Variants in GCN1 observed in about 807,000 individuals in gnomAD.
GCN1 encodes the protein stalled ribosome sensor GCN1.
In GCN1, 90 loss-of-function variants were observed where a neutral mutation model predicts 288.4. The observed-to-expected ratio is 0.31, with a 90% CI of 0.26 to 0.37. The LOEUF (loss-of-function observed/expected upper bound fraction) is 0.37, where lower values mean the gene tolerates loss of function less well. GCN1 is among the 10% of genes least tolerant of loss of function. GCN1 has a pLI of 1.00. For synonymous variants in GCN1, 1,386 were observed against 1,420.2 expected, an observed-to-expected ratio of 0.98 and a Z score of 0.54; for missense variants, 2,586 against 3,419.9, an observed-to-expected ratio of 0.76 and a Z score of 6.08.
chr12:120,150,881 G>T (rs1877525246), intron 34 of GCN1, among the ~76,000 whole-genome samples: 1 of 151,888 alleles, frequency 6.6e-6, no homozygotes, highest in South Asian at 2.1e-4. Flanking sequence ...AGCTTGCAGT[G>T]AGCCAAGATC....
At chr12:120,194,072 C>T (rs1879091917) in intron 1 of GCN1, among the ~76,000 whole-genome samples, 1 of 152,222 alleles carries the variant, frequency 6.6e-6, no homozygotes, top group African/African-American at 2.4e-5. Context: ...AACCCTGGAT[C>T]TGATAACAAC....
At chr12:120,151,452 G>C in intron 33 of GCN1, 61 bp from the exon 34 acceptor site, 1 of 1,578,332 alleles carries the variant, frequency 6.3e-7, no homozygotes, top group Non-Finnish European at 8.6e-7. Context: ...TGGTTGGTGG[G>C]GGGTCTGACC....
In GCN1 at chr12:120,158,652, C is replaced by T; in HGVS notation, c.2750-37G>A. The T allele has an allele frequency of 6.4e-7, 1 of 1,555,772 alleles. No individual in the cohort carries two copies. Among genetic ancestry groups the T allele is most frequent in the Non-Finnish European group, 8.7e-7 (1 of 1,145,938 alleles). Reference sequence around the variant, plus strand: ...AGGAGAGACCCAGCAGGAGATGACACACAGAGATGTGGAATCCAGCCCAGG... The same window carrying T: ...AGGAGAGACCCAGCAGGAGATGACATACAGAGATGTGGAATCCAGCCCAGG... On this transcript the variant is annotated intron_variant, in intron 24 of 57. Transcript: ENST00000300648. This position sits in a 1 kb window ranked among gnomAD's most constrained non-coding sequence, Gnocchi z 4.3.
chr12:120,127,835 C>G lies in GCN1; in HGVS notation c.*14G>C. 1 of 1,609,490 alleles carries G rather than the reference C, an allele frequency of 6.2e-7. No homozygotes were observed. The highest frequency in any genetic ancestry group is 8.5e-7 in the Non-Finnish European group (1 of 1,176,446). ...AAGATGTGGAGCGGCAATGCTGCTG[C>G]TGGCCCAGGCCTCTCATGTCAGGAT... On this transcript the variant is annotated 3_prime_UTR_variant, in exon 58 of 58. Transcript: ENST00000300648.
intron 5 of GCN1, among the ~76,000 whole-genome samples, chr12:120,181,291 C>T (rs558563514): frequency 6.6e-6 from 1 of 150,982 alleles, no homozygotes; most frequent in Non-Finnish European, 1.5e-5. Context: ...CAAAAGAAAA[C>T]CCCATCTCTA....
Position 120,144,575 on chromosome 12 carries a change from C to T in GCN1, c.5352+64G>A. 1 of 1,553,902 alleles carries T rather than the reference C, an allele frequency of 6.4e-7. No homozygotes were observed. The highest frequency in any genetic ancestry group is 8.8e-7 in the Non-Finnish European group (1 of 1,131,976). On this transcript the variant is annotated intron_variant, in intron 41 of 57. Transcript: ENST00000300648. The surrounding 1 kb of genome is among the most constrained non-coding windows in gnomAD (Gnocchi z 4.7). The stretch of plus-strand genomic sequence containing the variant: ...CAGCCAGCAGGGATCTCTAGCTCTC[C>T]AGGTGAGCACTTGCCTCCTGCCCTC...
chr12:120,172,189 G>A (rs1878334219), intron 14 of GCN1, among the ~76,000 whole-genome samples: 1 of 152,106 alleles, frequency 6.6e-6, no homozygotes, highest in South Asian at 2.1e-4. Context: ...AGTCATGGAT[G>A]TGAGTTCACT....
At chr12:120,149,741 A>T in intron 35 of GCN1, 21 bp from the exon 36 acceptor site, 1 of 1,594,816 alleles carries the variant, frequency 6.3e-7, no homozygotes, top group South Asian at 1.1e-5. Context: ...GAGAAAACAC[A>T]TTCAGGGGCC....
chr12:120,131,383 C>T (rs780192962), intron 54 of GCN1, 50 bp from the exon 55 acceptor site: 2 of 1,595,968 alleles, frequency 1.3e-6, no homozygotes, highest in South Asian at 2.2e-5. Flanking sequence ...CAGCATGTCC[C>T]CAGCACCCAT....
At chr12:120,188,939 A>T (rs1390937241) in intron 2 of GCN1, among the ~76,000 whole-genome samples, 3 of 152,238 alleles carry the variant, frequency 2.0e-5, no homozygotes, top group Non-Finnish European at 4.4e-5. Context: ...AAATGGTTAA[A>T]AGTGTAAATA....
At position 120,178,747 on chromosome 12, in the gene GCN1, C is replaced by T; in HGVS notation, c.538G>A (p.Val180Met). The change falls in exon 7 of 58, where the codon GTG becomes ATG. Residue 180 changes from valine to methionine, a missense_variant. Coordinates refer to ENST00000300648, the MANE Select transcript of GCN1 (RefSeq NM_006836.2). Reference protein sequence around the residue: ...TKLWKENPGLVEQYLSAILSL... With the variant: ...TKLWKENPGLMEQYLSAILSL... ...AGAATGGCTGACAAGTACTGTTCCA[C>T]CAGCCCGGGGTTCTGAAGAGGAAAG... is the stretch of plus-strand genomic sequence containing the variant. 6.2e-7 allele frequency: 1 copy of T among 1,614,220 alleles called. No homozygotes were observed. Among genetic ancestry groups the T allele is most frequent in the Non-Finnish European group, 8.5e-7 (1 of 1,180,026 alleles).
At chr12:120,179,416 T>C (rs1290761270) in intron 5 of GCN1, among the ~76,000 whole-genome samples, 2 of 150,802 alleles carry the variant, frequency 1.3e-5, no homozygotes, top group East Asian at 2.0e-4. Flanking sequence ...TTTTTTTTTT[T>C]TGAGACAGAG....
rs1877032677 is a variant in GCN1, at chr12:120,137,157, G to T, written c.6777+49C>A. On this transcript the variant is annotated intron_variant, in intron 50 of 57. Transcript: ENST00000300648. This position sits in a 1 kb window ranked among gnomAD's most constrained non-coding sequence, Gnocchi z 5.2. ...TGGGACAGGGGTAAGGGCCAGAAGG[G>T]CACAACAGACTGCACGCCCACAGCC... 5.9e-6 allele frequency: 8 copies of T among 1,363,018 alleles called. No individual in the cohort carries two copies. The East Asian group carries it at 6.9e-5, about 12-fold the overall frequency. The allele number at this position is 1,363,018 out of a possible 1,614,324, so 84.4% of individuals were successfully genotyped here.
Position 120,173,804 on chromosome 12 carries a change from G to A in GCN1, c.1215C>T (p.His405=), listed in dbSNP as rs749400105. 70 of 1,613,688 alleles carry A rather than the reference G, an allele frequency of 4.3e-5. No homozygotes were observed. Among genetic ancestry groups the A allele is most frequent in the East Asian group, 1.1e-4 (5 of 44,892 alleles). The change falls in exon 14 of 58, where the codon CAC becomes CAT. Residue 405 remains histidine (H), a synonymous_variant. Transcript: ENST00000300648. ...ACCAGAGAGCCAGGACTGAGACAGC[G>A]TGTACCAAGGTCCCTTCATGAACTA... ...QQEVHEGTLV[H]AVSVLALWCN...
rs1876942401 is a variant in GCN1 at position 120,134,719 on chromosome 12, A to C, written c.7016T>G (p.Ile2339Ser). The change falls in exon 52 of 58, where the codon ATT (isoleucine) becomes AGT (serine). Residue 2339 changes from isoleucine to serine, a missense_variant. Coordinates refer to ENST00000300648, the MANE Select transcript of GCN1 (RefSeq NM_006836.2). The surrounding 1 kb of genome is among the most constrained non-coding windows in gnomAD (Gnocchi z 5.0). Reference protein sequence around the residue: ...TLSLLLAKVGIALKPFLPQLQ... With the variant: ...TLSLLLAKVGSALKPFLPQLQ... The stretch of plus-strand genomic sequence containing the variant: ...CTGGGGCAGGAAGGGCTTCAGGGCA[A>C]TCCCAACCTGTGGGAGGAACCCACA... 6.2e-7 allele frequency: 1 copy of C among 1,612,312 alleles called. No individual in the cohort carries two copies. The highest frequency in any genetic ancestry group is 8.5e-7 in the Non-Finnish European group (1 of 1,179,980).
chr12:120,168,465 T>TCTA, intron 15 of GCN1, 165 bp from the exon 16 acceptor site: 2 of 594,062 alleles, frequency 3.4e-6, no homozygotes, highest in Non-Finnish European at 6.0e-6. Context: ...CCTTCTGGTA[T>TCTA]CACCTCCTGT....
In GCN1 at chr12:120,183,207, C is replaced by T. The variant is rs77468299; in HGVS notation, c.426+362G>A. Among the ~76,000 whole-genome samples the T allele has an allele frequency of 6.1e-3, 934 of 152,270 alleles. 10 individuals are homozygous for T. The highest frequency in any genetic ancestry group is 0.022 in the African/African-American group (895 of 41,560). ...AATGGAATGATCAGCCAGAAAAACA[C>T]CAAGAGGATTTACACTATGATATTT... is the stretch of plus-strand genomic sequence containing the variant. On this transcript the variant is annotated intron_variant, in intron 5 of 57. Coordinates refer to ENST00000300648, the MANE Select transcript of GCN1 (RefSeq NM_006836.2).
rs184219578 is a variant in GCN1, at chr12:120,140,970, G to A, written c.5883C>T (p.Leu1961=). The change falls in exon 45 of 58, where the codon CTC becomes CTT. Residue 1961 remains leucine (L), a synonymous_variant. Transcript: ENST00000300648. ...CCTCAAGGATGGGGATGATCTCGGGGAGGATTTTCTCCCCTAACTTCCGCA... is the reference window on the plus strand; with the variant it reads ...CCTCAAGGATGGGGATGATCTCGGGAAGGATTTTCTCCCCTAACTTCCGCA... The part of the protein sequence containing the change: ...DLVRKLGEKI[L]PEIIPILEEG... 150 of 1,614,012 alleles carry A rather than the reference G, an allele frequency of 9.3e-5. No individual in the cohort carries two copies. The African/African-American group carries it at 1.4e-3, about 15-fold the overall frequency.
chr12:120,174,146 C>T lies in GCN1; in HGVS notation c.1117G>A (p.Val373Met), dbSNP rs375647573. The T allele has an allele frequency of 7.5e-6, 12 of 1,600,210 alleles. No individual in the cohort carries two copies. The highest frequency in any genetic ancestry group is 2.7e-5 in the African/African-American group (2 of 74,630). ...LSGIGSVSHH[V>M]VSGPSSQVLN... is the part of the protein sequence containing the mutation. The stretch of plus-strand genomic sequence containing the variant: ...ACCTGACTGGAAGGTCCAGACACCA[C>T]GTGATGACTGACGCTCCCAATCCCT... The change falls in exon 13 of 58, where the codon GTG becomes ATG. Residue 373 changes from valine to methionine, a missense_variant. Transcript: ENST00000300648.
Sources: allele counts gnomAD v4.1 joint callset (sites outside exome capture counted in the v4.1 genomes callset), GRCh38; gene constraint gnomAD v4.1.1; non-coding constraint Gnocchi (gnomAD v3.1); transcripts MANE v1.5; gene names NCBI Gene and HGNC (gene_info 2026-07-23, HGNC 2026-07-21).